BYSL: variants seen among roughly 807,000 people sequenced by gnomAD.
The protein encoded by BYSL is bystin like.
BYSL carries 21 observed loss-of-function variants against 45.4 expected under a neutral mutation model. The observed-to-expected ratio is 0.46, with a 90% CI of 0.33 to 0.67. BYSL has a LOEUF of 0.67. Among genes scored for constraint, BYSL ranks in the 30% least tolerant of loss-of-function variants. The pLI is 0.02. For missense variants in BYSL, 522 were observed against 578.5 expected (o/e 0.90, Z 1.00); for synonymous variants, 215 against 231.3 (o/e 0.93, Z 0.64).
chr6:41,916,153 T>C, the BYSL span, among the ~76,000 whole-genome samples: 1 of 151,040 alleles, frequency 6.6e-6, no homozygotes, highest in South Asian at 2.1e-4. Flanking sequence ...GAGGCCAAGG[T>C]GGAAGGATCA....
At chr6:41,927,678 C>T in intron 2 of BYSL, 142 bp downstream of exon 2, 1 of 1,019,390 alleles carries the variant, frequency 9.8e-7, no homozygotes, top group Non-Finnish European at 1.4e-6. Flanking sequence ...CAAAACTGGC[C>T]CATCCTCAAA....
chr6:41,909,020 TA>T, the BYSL span: 68,466 of 411,660 alleles, frequency 0.17, no homozygotes, highest in East Asian at 0.22. Context: ...TCATTTCTAC[TA>T]AAAAAAAAAA....
upstream of BYSL, chr6:41,921,056 A>G (rs578176894): frequency 4.0e-5 from 64 of 1,608,836 alleles, no homozygotes; most frequent in South Asian, 7.0e-4. Context: ...CACACAGTAG[A>G]AACGCAGGGT....
At chr6:41,915,354 C>T in the BYSL span, among the ~76,000 whole-genome samples, 3 of 152,112 alleles carry the variant, frequency 2.0e-5, no homozygotes, top group South Asian at 2.1e-4. Context: ...ATCAGCCAGG[C>T]ATGGTGGCAC....
Position 41,932,551 on chromosome 6 carries a change from C to T in BYSL, c.1159C>T (p.Gln387Ter). 1 of 1,614,188 alleles carries T rather than the reference C, an allele frequency of 6.2e-7. No homozygotes were observed. The highest frequency in any genetic ancestry group is 8.5e-7 in the Non-Finnish European group (1 of 1,180,034). ...LWHQCLLTLV[Q>*]RYKADLATDQ... ...GCACCAGTGCCTCCTGACTTTGGTC[C>T]AGCGCTACAAGGCCGACTTGGCCAC... Residue 387 changes from glutamine to a stop codon, truncating the protein, a stop_gained, in exon 7 of 7, where the codon CAG becomes TAG. Coordinates refer to ENST00000230340, the MANE Select transcript of BYSL (RefSeq NM_004053.4). LOFTEE classifies it high-confidence loss of function. The surrounding 1 kb of genome is among the most constrained non-coding windows in gnomAD (Gnocchi z 4.7).
the BYSL span, chr6:41,909,351 C>G: frequency 1.2e-6 from 2 of 1,614,038 alleles, no homozygotes; most frequent in African/African-American, 1.3e-5. Context: ...GTACCTGGTG[C>G]CCCGGGTCTC....
chr6:41,921,185 G>C (rs1582068189), upstream of BYSL: 1 of 867,032 alleles, frequency 1.2e-6, no homozygotes, highest in Non-Finnish European at 1.7e-6. Flanking sequence ...GGAATGGGGC[G>C]TGTCTCGGCA....
At chr6:41,923,756 G>A (rs969342492) in intron 1 of BYSL, among the ~76,000 whole-genome samples, 2 of 152,052 alleles carry the variant, frequency 1.3e-5, no homozygotes, top group African/African-American at 4.8e-5. Context: ...TCTCTACAAA[G>A]TACTCACAGG....
At chr6:41,913,691 A>G in the BYSL span, among the ~76,000 whole-genome samples, 11 of 152,150 alleles carry the variant, frequency 7.2e-5, no homozygotes, top group Non-Finnish European at 1.3e-4. Flanking sequence ...CAAGGTCAGG[A>G]GTTCAAGACC....
Position 41,932,334 on chromosome 6 carries a change from C to T in BYSL, c.969-27C>T. On this transcript the variant is annotated intron_variant, in intron 6 of 6. Transcript: ENST00000230340. This position sits in a 1 kb window ranked among gnomAD's most constrained non-coding sequence, Gnocchi z 4.7. Reference sequence around the variant, plus strand: ...CTTCTTCCAATGTTTTCCCTGCTTACTCTACCCCACCTCCCTTTCCCACTA... The same window carrying T: ...CTTCTTCCAATGTTTTCCCTGCTTATTCTACCCCACCTCCCTTTCCCACTA... 6.3e-7 allele frequency: 1 copy of T among 1,590,626 alleles called. No homozygotes were observed. Among genetic ancestry groups the T allele is most frequent in the Non-Finnish European group, 8.6e-7 (1 of 1,169,040 alleles).
At chr6:41,930,893 C>T (rs1293990214) in intron 4 of BYSL, 125 bp downstream of exon 4, 6 of 1,297,602 alleles carry the variant, frequency 4.6e-6, no homozygotes, top group Non-Finnish European at 6.1e-6. Flanking sequence ...CTCTGTGCTA[C>T]TTTATAGCAT....
upstream of BYSL, chr6:41,917,810 G>C (rs1010554095): frequency 4.2e-6 from 2 of 471,214 alleles, no homozygotes; most frequent in Non-Finnish European, 4.4e-6. Flanking sequence ...CTGTGAACTT[G>C]AGCTGTTCAG....
In BYSL at chr6:41,929,984, C is replaced by G. The variant is rs1425483711; in HGVS notation, c.432-148C>G. On this transcript the variant is annotated intron_variant, in intron 2 of 6. Transcript: ENST00000230340. ...TCTGTCTGTGGTGGATGAATGGGCA[C>G]AGAGAGAGAACTCTAAGCTGCATAT... The G allele has an allele frequency of 3.8e-6, 4 of 1,041,350 alleles. No individual in the cohort carries two copies. The Admixed American group carries it at 7.1e-5, about 19-fold the overall frequency. The allele number at this position is 1,041,350 out of a possible 1,614,324, so 64.5% of individuals were successfully genotyped here. A position where few individuals can be genotyped will look rare whatever the true frequency, so the allele number is the denominator to read the frequency against.
the BYSL span, among the ~76,000 whole-genome samples, chr6:41,913,355 C>T: frequency 6.6e-5 from 10 of 152,290 alleles, no homozygotes; most frequent in East Asian, 1.9e-4. Context: ...GCCATGAAGG[C>T]GTGCTGTCTC....
chr6:41,931,108 C>T (rs1775631878), intron 4 of BYSL, among the ~76,000 whole-genome samples: 1 of 81,674 alleles, frequency 1.2e-5, no homozygotes. Context: ...ACTGCCCAGG[C>T]ATGCTCAGGG....
upstream of BYSL, chr6:41,917,640 G>A (rs955889495): frequency 6.4e-5 from 26 of 404,260 alleles, no homozygotes; most frequent in African/African-American, 3.3e-4. Context: ...ATCACAGGGC[G>A]TTCTCAAGTG....
chr6:41,924,556 A>G (rs1775537852), intron 1 of BYSL, among the ~76,000 whole-genome samples: 1 of 152,214 alleles, frequency 6.6e-6, no homozygotes, highest in Admixed American at 6.6e-5. Flanking sequence ...AGCACCCCGA[A>G]CAGTGCCTCA....
At chr6:41,920,380 A>T (rs1223426751), upstream of BYSL, among the ~76,000 whole-genome samples, 1 of 152,158 alleles carries the variant, frequency 6.6e-6, no homozygotes, top group Non-Finnish European at 1.5e-5. Flanking sequence ...CTTAAAAAAT[A>T]CTATCTCCTG....
upstream of BYSL, chr6:41,917,301 C>G: frequency 5.8e-6 from 1 of 171,642 alleles, no homozygotes; most frequent in South Asian, 1.2e-4. Context: ...GTGGGAGGCT[C>G]AGGCAGGAGA....
Sources: allele counts gnomAD v4.1 joint callset (sites outside exome capture counted in the v4.1 genomes callset), GRCh38; gene constraint gnomAD v4.1.1; non-coding constraint Gnocchi (gnomAD v3.1); transcripts MANE v1.5; gene names NCBI Gene and HGNC (gene_info 2026-07-23, HGNC 2026-07-21).